TYW1: variants seen among roughly 807,000 people sequenced by gnomAD.
The protein encoded by TYW1 is tRNA-yW synthesizing protein 1 homolog.
In TYW1, 46 loss-of-function variants were observed where a neutral mutation model predicts 96.2. The ratio of observed to expected loss-of-function variants is 0.48; its 90% CI spans 0.38 to 0.61. The LOEUF (loss-of-function observed/expected upper bound fraction) is 0.61. TYW1 is among the 20% of genes least tolerant of loss of function. The pLI is 0.00. For missense variants in TYW1, 684 were observed against 909.6 expected (o/e 0.75, Z 3.19); for synonymous variants, 274 against 323.0 (o/e 0.85, Z 1.63).
intron 13 of TYW1, among the ~76,000 whole-genome samples, chr7:67,153,405 G>A (rs1199443654): frequency 2.0e-5 from 3 of 152,140 alleles, no homozygotes; most frequent in Non-Finnish European, 4.4e-5. Flanking sequence ...GCAGTGAGCC[G>A]AGATTGTGCC....
chr7:66,999,708 G>C (rs1044928389), intron 3 of TYW1, among the ~76,000 whole-genome samples: 2 of 152,128 alleles, frequency 1.3e-5, no homozygotes, highest in Non-Finnish European at 1.5e-5. Context: ...AGTGCTAAAA[G>C]TGTTAAAGGT....
chr7:67,066,002 T>TACAC (rs778159395), intron 9 of TYW1, among the ~76,000 whole-genome samples: 1,197 of 93,178 alleles, frequency 0.013, 58 homozygotes, highest in Admixed American at 0.11. Flanking sequence ...AGAGTGAGAC[T>TACAC]ACACACACAC....
chr7:67,099,656 G>T (rs1379917750), intron 12 of TYW1, among the ~76,000 whole-genome samples: 2 of 152,176 alleles, frequency 1.3e-5, no homozygotes, highest in African/African-American at 4.8e-5. Context: ...TGTTTGCTTA[G>T]GTCAGAGTTA....
chr7:67,016,980 ATTT>A (rs35358824), intron 5 of TYW1, among the ~76,000 whole-genome samples: 5 of 121,744 alleles, frequency 4.1e-5, no homozygotes, highest in African/African-American at 6.3e-5. Flanking sequence ...AGATATGTAA[ATTT>A]TTTTTTTTTT....
intron 12 of TYW1, among the ~76,000 whole-genome samples, chr7:67,107,570 T>C (rs1487801756): frequency 1.3e-5 from 2 of 152,134 alleles, no homozygotes; most frequent in Admixed American, 6.6e-5. Flanking sequence ...CTTTCCTCAT[T>C]TGTAAAATGA....
intron 11 of TYW1, among the ~76,000 whole-genome samples, chr7:67,096,908 G>A (rs1276624366): frequency 6.6e-6 from 1 of 152,154 alleles, no homozygotes; most frequent in Non-Finnish European, 1.5e-5. Flanking sequence ...TGAGTCAAGA[G>A]CAGTACCTGA....
rs905831803 is a variant in TYW1, at chr7:67,204,582, TTTC to T, written c.1977+9257_1977+9259del. Among the ~76,000 whole-genome samples, 24 of 146,734 alleles carry T rather than the reference TTTC, an allele frequency of 1.6e-4. No individual in the cohort carries two copies. The South Asian group carries it at 4.0e-3, about 24-fold the overall frequency. ...CTTCTTTCTTCTTCCTTCTTCCTTC[TTTC>T]TTCTTCTTCTTTTCTTTTTTTTTTT... On this transcript the variant is annotated intron_variant, in intron 15 of 15. Coordinates refer to ENST00000359626, the MANE Select transcript of TYW1 (RefSeq NM_018264.4).
chr7:67,042,276 A>G (rs1157020820), intron 7 of TYW1, among the ~76,000 whole-genome samples: 1 of 151,642 alleles, frequency 6.6e-6, no homozygotes, highest in African/African-American at 2.4e-5. Flanking sequence ...TTCAAATAGG[A>G]TAGATTTGGT....
Position 67,067,388 on chromosome 7 carries a change from G to T in TYW1, c.1259G>T (p.Cys420Phe). The change falls in exon 10 of 16, where the codon TGT (cysteine) becomes TTT (phenylalanine). Residue 420 changes from cysteine (C) to phenylalanine (F), a missense_variant. Physicochemically the swap from Cys to Phe is radical, Grantham distance 205. Coordinates refer to ENST00000359626, the MANE Select transcript of TYW1 (RefSeq NM_018264.4). ...TTPSLACANKCVFCWRHHTNP... is the reference protein window; with the variant it reads ...TTPSLACANKFVFCWRHHTNP... ...CCGAGCTTGGCGTGTGCTAATAAAT[G>T]TGTCTTCTGTTGGCGGTAAGTAAAA... The T allele has an allele frequency of 1.2e-6, 2 of 1,613,974 alleles. No individual in the cohort carries two copies. The highest frequency in any genetic ancestry group is 1.7e-6 in the Non-Finnish European group (2 of 1,179,860).
At chr7:67,182,867 G>T (rs547866608) in intron 13 of TYW1, among the ~76,000 whole-genome samples, 2 of 151,752 alleles carry the variant, frequency 1.3e-5, no homozygotes, top group Non-Finnish European at 1.5e-5. Context: ...AAACCTCTGG[G>T]TGCCTGGCAT....
intron 7 of TYW1, among the ~76,000 whole-genome samples, chr7:67,039,998 C>T (rs527539976): frequency 6.8e-6 from 1 of 148,140 alleles, no homozygotes; most frequent in African/African-American, 2.5e-5. Context: ...ACTGTGTCAC[C>T]TAGGCTGGAG....
chr7:67,011,539 C>CT (rs770022759), intron 4 of TYW1, among the ~76,000 whole-genome samples: 3 of 152,314 alleles, frequency 2.0e-5, no homozygotes, highest in South Asian at 4.1e-4. Context: ...CATCGTAGAG[C>CT]TTAAACAGTG....
intron 10 of TYW1, among the ~76,000 whole-genome samples, chr7:67,082,335 C>CT (rs1796415484): frequency 6.6e-6 from 1 of 152,122 alleles, no homozygotes; most frequent in Non-Finnish European, 1.5e-5. Flanking sequence ...TTTGACTTGT[C>CT]CTCTAGACGG....
intron 7 of TYW1, among the ~76,000 whole-genome samples, chr7:67,038,889 G>A (rs962003863): frequency 3.3e-5 from 5 of 152,154 alleles, no homozygotes; most frequent in Admixed American, 3.3e-4. Flanking sequence ...GGGCAACACA[G>A]CAAGACTCCA....
intron 13 of TYW1, among the ~76,000 whole-genome samples, chr7:67,181,738 C>G (rs1799849681): frequency 1.3e-5 from 2 of 152,142 alleles, no homozygotes; most frequent in Non-Finnish European, 2.9e-5. Context: ...TGCATCCCAT[C>G]ACCTTTGCCA....
At chr7:67,024,588 C>G (rs1267681880) in intron 6 of TYW1, among the ~76,000 whole-genome samples, 1 of 151,986 alleles carries the variant, frequency 6.6e-6, no homozygotes, top group African/African-American at 2.4e-5. Flanking sequence ...CGAGACCAGC[C>G]TGGCCAACAT....
chr7:67,178,270 G>A (rs948323390), intron 13 of TYW1, among the ~76,000 whole-genome samples: 1 of 152,158 alleles, frequency 6.6e-6, no homozygotes, highest in South Asian at 2.1e-4. Context: ...GGTTAAAATC[G>A]TTCACTAGTA....
chr7:67,090,937 G>A (rs577723449), intron 11 of TYW1, among the ~76,000 whole-genome samples: 1 of 152,306 alleles, frequency 6.6e-6, no homozygotes, highest in Non-Finnish European at 1.5e-5. Context: ...AGGATGTGGA[G>A]AAATAGGAAC....
intron 13 of TYW1, among the ~76,000 whole-genome samples, chr7:67,160,879 A>G (rs1397823663): frequency 2.6e-5 from 4 of 152,072 alleles, no homozygotes; most frequent in Admixed American, 1.3e-4. Context: ...GGCGTGATCC[A>G]CTGTGCCCGG....
Sources: allele counts gnomAD v4.1 joint callset (sites outside exome capture counted in the v4.1 genomes callset), GRCh38; gene constraint gnomAD v4.1.1; transcripts MANE v1.5; gene names NCBI Gene and HGNC (gene_info 2026-07-23, HGNC 2026-07-21).